FSHR: variants seen among roughly 807,000 people sequenced by gnomAD.
FSHR encodes the protein follicle stimulating hormone receptor.
In FSHR, 46 loss-of-function variants were observed where a neutral mutation model predicts 52.1. That is an observed-to-expected ratio of 0.88 (90% CI 0.70 to 1.13). The LOEUF is 1.13. Ranked by LOEUF, FSHR falls within the 50% of genes most tolerant of loss-of-function variation. The pLI, the probability that FSHR is intolerant of heterozygous loss-of-function variation, is 0.00. For synonymous variants in FSHR, 399 were observed against 309.6 expected (o/e 1.29, Z -3.03); for missense variants, 964 against 834.6 (o/e 1.16, Z -1.91).
At chr2:49,100,167 G>A (rs190778959) in intron 1 of FSHR, among the ~76,000 whole-genome samples, 1 of 152,224 alleles carries the variant, frequency 6.6e-6, no homozygotes, top group East Asian at 1.9e-4. Context: ...TAAGCACAGA[G>A]CACTGAAATG....
At chr2:49,076,528 C>G (rs1669956194) in intron 1 of FSHR, among the ~76,000 whole-genome samples, 1 of 152,140 alleles carries the variant, frequency 6.6e-6, no homozygotes, top group Admixed American at 6.5e-5. Context: ...CAGAGCCAAA[C>G]CATATCATTC....
intron 2 of FSHR, among the ~76,000 whole-genome samples, chr2:49,064,467 C>A (rs1450765611): frequency 6.6e-6 from 1 of 152,126 alleles, no homozygotes. Flanking sequence ...GCCCTTCCAC[C>A]TTCCACCATG....
At chr2:48,974,201 G>A (rs1164157569) in intron 8 of FSHR, among the ~76,000 whole-genome samples, 1 of 152,178 alleles carries the variant, frequency 6.6e-6, no homozygotes, top group African/African-American at 2.4e-5. Flanking sequence ...AAGTTACCAA[G>A]AAAGGGAGCA....
intron 2 of FSHR, among the ~76,000 whole-genome samples, chr2:49,059,169 T>C (rs1669187732): frequency 6.6e-6 from 1 of 151,948 alleles, no homozygotes; most frequent in Non-Finnish European, 1.5e-5. Flanking sequence ...TGAGCCATGA[T>C]CACACTCCTG....
At chr2:48,987,418 G>C (rs1458189880) in intron 6 of FSHR, among the ~76,000 whole-genome samples, 1 of 151,628 alleles carries the variant, frequency 6.6e-6, no homozygotes, top group Non-Finnish European at 1.5e-5. Context: ...CACTGTATTA[G>C]ACAGGATTGC....
intron 2 of FSHR, among the ~76,000 whole-genome samples, chr2:49,046,989 G>T (rs1346758885): frequency 3.3e-5 from 5 of 151,500 alleles, no homozygotes; most frequent in Non-Finnish European, 7.4e-5. Context: ...ATTAGCTGGT[G>T]TCATTCATCA....
chr2:49,098,537 C>G (rs1670909557), intron 1 of FSHR, among the ~76,000 whole-genome samples: 1 of 151,606 alleles, frequency 6.6e-6, no homozygotes, highest in African/African-American at 2.4e-5. Context: ...GTGGCAGCCA[C>G]TATATTGTCT....
chr2:49,053,515 G>A (rs1668943868), intron 2 of FSHR, among the ~76,000 whole-genome samples: 2 of 152,118 alleles, frequency 1.3e-5, no homozygotes, highest in Non-Finnish European at 2.9e-5. Context: ...AGTTTACAGT[G>A]CACTTTGCAA....
chr2:49,061,646 T>C (rs1405639161), intron 2 of FSHR, among the ~76,000 whole-genome samples: 1 of 143,776 alleles, frequency 7.0e-6, no homozygotes, highest in African/African-American at 2.5e-5. Context: ...ATAATATATA[T>C]AACTATATAT....
chr2:49,073,541 A>C (rs185267169), intron 1 of FSHR, among the ~76,000 whole-genome samples: 2 of 152,126 alleles, frequency 1.3e-5, no homozygotes, highest in African/African-American at 2.4e-5. Flanking sequence ...TAATAAAAGA[A>C]ATTAAAGAAG....
chr2:48,988,261 T>C (rs1308874020), intron 6 of FSHR, among the ~76,000 whole-genome samples: 3 of 152,192 alleles, frequency 2.0e-5, no homozygotes, highest in African/African-American at 4.8e-5. Flanking sequence ...GTTTGTAAAA[T>C]AGATAAAATG....
chr2:49,098,032 C>G (rs1413431446), intron 1 of FSHR, among the ~76,000 whole-genome samples: 1 of 152,010 alleles, frequency 6.6e-6, no homozygotes, highest in Non-Finnish European at 1.5e-5. Flanking sequence ...TATAGAAATG[C>G]AAGTTTTGAC....
intron 2 of FSHR, among the ~76,000 whole-genome samples, chr2:49,026,060 A>C (rs1299575553): frequency 2.0e-5 from 3 of 152,176 alleles, no homozygotes; most frequent in African/African-American, 7.2e-5. Flanking sequence ...GACATGCCTG[A>C]GATGGTCTTG....
chr2:49,107,104 C>T (rs1671249304), intron 1 of FSHR, among the ~76,000 whole-genome samples: 1 of 152,174 alleles, frequency 6.6e-6, no homozygotes. Context: ...AAACTCCTCG[C>T]CATTTATGAA....
At chr2:48,987,556 T>C (rs893641425) in intron 6 of FSHR, among the ~76,000 whole-genome samples, 3 of 152,084 alleles carry the variant, frequency 2.0e-5, no homozygotes, top group Non-Finnish European at 2.9e-5. Context: ...CTGGTCTTGA[T>C]TATTCTGTTC....
intron 1 of FSHR, among the ~76,000 whole-genome samples, chr2:49,136,346 C>T (rs750543893): frequency 5.3e-5 from 8 of 151,962 alleles, no homozygotes; most frequent in Non-Finnish European, 1.2e-4. Context: ...TAGATTGTGT[C>T]AACTGGAGAG....
intron 2 of FSHR, among the ~76,000 whole-genome samples, chr2:49,065,905 G>A (rs979080982): frequency 2.6e-5 from 4 of 152,000 alleles, no homozygotes; most frequent in Non-Finnish European, 5.9e-5. Flanking sequence ...AGTTAAGTGG[G>A]GAAAGGGCAT....
chr2:48,999,591 G>A (rs182483788), intron 4 of FSHR, among the ~76,000 whole-genome samples: 60 of 152,172 alleles, frequency 3.9e-4, no homozygotes, highest in African/African-American at 1.3e-3. Flanking sequence ...CTTAGACTCC[G>A]TAACCTCTAA....
chr2:49,055,848 G>A (rs1669042807), intron 2 of FSHR, among the ~76,000 whole-genome samples: 1 of 151,930 alleles, frequency 6.6e-6, no homozygotes, highest in Non-Finnish European at 1.5e-5. Context: ...ACATTTCATG[G>A]ACAAGAAAAA....
Sources: gnomAD v4.1 joint callset for allele counts (sites outside exome capture counted in the v4.1 genomes callset) on GRCh38, gnomAD v4.1.1 for gene constraint, MANE v1.5 for transcripts, NCBI Gene and HGNC (gene_info 2026-07-23, HGNC 2026-07-21) for gene names.